The following STS variants were observed in gnomAD, a reference collection of about 807,000 sequenced individuals.
STS encodes the protein steroid sulfatase.
STS carries 7 observed loss-of-function variants against 26.8 expected under a neutral mutation model. That is an observed-to-expected ratio of 0.26 (90% CI 0.15 to 0.49). The LOEUF is 0.49. STS is among the 20% of genes least tolerant of loss of function. The pLI is 0.98. For synonymous variants in STS, 199 were observed against 189.4 expected, an observed-to-expected ratio of 1.05 and a Z score of -0.42; for missense variants, 434 against 465.6, an observed-to-expected ratio of 0.93 and a Z score of 0.63.
At chrX:7,335,757 C>A (rs1359717030) in intron 10 of STS, among the ~76,000 whole-genome samples, 3 of 112,013 alleles carry the variant, frequency 2.7e-5, no homozygotes, top group African/African-American at 9.7e-5. Flanking sequence ...CCATTTAAGT[C>A]TTTAATCCAT....
intron 10 of STS, 81 bp downstream of exon 10, chrX:7,334,188 G>A (rs1432391845): frequency 8.4e-7 from 1 of 1,188,415 alleles, no homozygotes; most frequent in Non-Finnish European, 1.1e-6. Context: ...AGGGTAAAAA[G>A]GTGGCTCTGC....
chrX:7,314,640 A>C (rs1926631573), intron 8 of STS, among the ~76,000 whole-genome samples: 1 of 113,108 alleles, frequency 8.8e-6, no homozygotes, highest in African/African-American at 3.2e-5. Context: ...TGACCTTAAT[A>C]CTACACAGTT....
chrX:7,221,027 G>A (rs1179975987), intron 2 of STS, among the ~76,000 whole-genome samples: 3 of 111,781 alleles, frequency 2.7e-5, no homozygotes, highest in Admixed American at 9.5e-5. Flanking sequence ...TCTTCTTAAC[G>A]TACACCAAAC....
intron 9 of STS, among the ~76,000 whole-genome samples, chrX:7,325,871 G>A (rs777953324): frequency 8.9e-6 from 1 of 112,225 alleles, no homozygotes; most frequent in Admixed American, 9.4e-5. Flanking sequence ...TCTCTGAGCA[G>A]TTTTCCTTCC....
chrX:7,186,255 GTTAACATGTGTTGTAACAT>G (rs1480403874), intron 1 of STS, among the ~76,000 whole-genome samples: 1 of 112,124 alleles, frequency 8.9e-6, no homozygotes, highest in African/African-American at 3.2e-5. Context: ...CATAACACAT[GTTAACATGTGTTGTAACAT>G]TTAACATCCA....
chrX:7,183,975 C>G (rs1015507377), intron 1 of STS, among the ~76,000 whole-genome samples: 1 of 109,118 alleles, frequency 9.2e-6, no homozygotes, highest in South Asian at 4.1e-4. Flanking sequence ...GCATTCTAGC[C>G]TGGGCAACAA....
intron 8 of STS, among the ~76,000 whole-genome samples, chrX:7,317,144 G>A (rs1926749764): frequency 8.9e-6 from 1 of 111,849 alleles, no homozygotes; most frequent in Non-Finnish European, 1.9e-5. Flanking sequence ...TCATCCTTCT[G>A]TGATGAGAAC....
At chrX:7,234,417 T>G (rs759736552) in intron 2 of STS, among the ~76,000 whole-genome samples, 2 of 112,587 alleles carry the variant, frequency 1.8e-5, no homozygotes, top group South Asian at 7.3e-4. Context: ...TGACTGACTC[T>G]GTTGCCGACA....
chrX:7,216,013 C>T (rs770517730), intron 2 of STS, among the ~76,000 whole-genome samples: 4 of 111,986 alleles, frequency 3.6e-5, no homozygotes, highest in Non-Finnish European at 7.5e-5. Flanking sequence ...CAGGGCTGTC[C>T]ACAGCAGAGG....
intron 7 of STS, among the ~76,000 whole-genome samples, chrX:7,296,584 T>G (rs765281750): frequency 9.8e-5 from 11 of 112,189 alleles, no homozygotes; most frequent in Admixed American, 1.9e-4. Context: ...AGGAGTATAG[T>G]TCCACAGAAC....
At chrX:7,322,447 C>T (rs1480033092) in intron 8 of STS, among the ~76,000 whole-genome samples, 1 of 112,061 alleles carries the variant, frequency 8.9e-6, no homozygotes, top group Admixed American at 9.4e-5. Context: ...GTTACACAGG[C>T]TAGAGTGCAC....
intron 9 of STS, among the ~76,000 whole-genome samples, chrX:7,326,095 G>A (rs1056445511): frequency 7.2e-5 from 8 of 110,968 alleles, no homozygotes; most frequent in South Asian, 3.9e-4. Flanking sequence ...TTTCTCTGGC[G>A]CCTTGGGGTA....
chrX:7,253,731 T>TACTCTC (rs759757938), intron 3 of STS, among the ~76,000 whole-genome samples: 10 of 111,978 alleles, frequency 8.9e-5, no homozygotes, highest in Admixed American at 3.8e-4. Context: ...ATCAGTGACT[T>TACTCTC]ACTCTCACTC....
chrX:7,333,981 C>T lies in STS; in HGVS notation c.1242-5C>T. ...CGTCTTGATGCCTGGCTGTTTATCC[C>T]ACAGGATCATTGATGGACGTGATCT... On this transcript the variant is annotated splice_region_variant and splice_polypyrimidine_tract_variant and intron_variant, in intron 9 of 10. Transcript: ENST00000674429. 1 of 1,211,319 alleles carries T rather than the reference C, an allele frequency of 8.3e-7. No individual in the cohort carries two copies. The highest frequency in any genetic ancestry group is 1.1e-6 in the Non-Finnish European group (1 of 895,218).
chrX:7,339,232 A>G (rs1255649467), intron 10 of STS, among the ~76,000 whole-genome samples: 1 of 111,793 alleles, frequency 8.9e-6, no homozygotes. Context: ...GCCCTTCCTC[A>G]TCTAATCCTC....
intron 1 of STS, among the ~76,000 whole-genome samples, chrX:7,167,165 C>T (rs182194391): frequency 1.9e-3 from 208 of 111,242 alleles, no homozygotes; most frequent in Non-Finnish European, 3.0e-3. Flanking sequence ...TCACCCAGAG[C>T]GTGGGGTCCT....
intron 8 of STS, among the ~76,000 whole-genome samples, chrX:7,323,918 C>G (rs1483200999): frequency 1.8e-5 from 2 of 110,690 alleles, no homozygotes; most frequent in Non-Finnish European, 1.9e-5. Context: ...TGTGATTACA[C>G]CCCTCCACTT....
At chrX:7,195,873 T>C (rs1933963643) in intron 2 of STS, among the ~76,000 whole-genome samples, 1 of 112,295 alleles carries the variant, frequency 8.9e-6, no homozygotes, top group Non-Finnish European at 1.9e-5. Flanking sequence ...ACCATTACTT[T>C]CTCTACCTGT....
intron 2 of STS, among the ~76,000 whole-genome samples, chrX:7,192,350 G>A: frequency 8.9e-6 from 1 of 111,913 alleles, no homozygotes; most frequent in Admixed American, 9.4e-5. Context: ...GATCGCCTGA[G>A]GTCAGGAGTT....
Sources: allele counts gnomAD v4.1 joint callset (sites outside exome capture counted in the v4.1 genomes callset), GRCh38; gene constraint gnomAD v4.1.1; transcripts MANE v1.5; gene names NCBI Gene and HGNC (gene_info 2026-07-23, HGNC 2026-07-21).